The following CNTN5 variants were observed in gnomAD, a reference collection of about 807,000 sequenced individuals.
The protein encoded by CNTN5 is contactin-5.
Under a neutral mutation model 129.1 loss-of-function variants are expected in CNTN5, and 77 were observed. The ratio of observed to expected loss-of-function variants is 0.60; its 90% confidence interval spans 0.50 to 0.72. The LOEUF is 0.72. CNTN5 is among the 30% of genes least tolerant of loss of function. The probability of loss-of-function intolerance (pLI) is 0.00; values close to 1 mark genes in which losing one functional copy is unlikely to be tolerated. For missense variants in CNTN5, 1,478 were observed against 1,328.8 expected (o/e 1.11, Z -1.75); for synonymous variants, 509 against 465.6 (o/e 1.09, Z -1.20).
At chr11:99,808,973 G>T (rs1946351555) in intron 3 of CNTN5, among the ~76,000 whole-genome samples, 1 of 152,070 alleles carries the variant, frequency 6.6e-6, no homozygotes, top group Non-Finnish European at 1.5e-5. Flanking sequence ...AAAATATAAA[G>T]AAGTTTATTT....
chr11:99,815,998 T>G (rs1946574516), intron 3 of CNTN5, among the ~76,000 whole-genome samples: 1 of 152,124 alleles, frequency 6.6e-6, no homozygotes, highest in Non-Finnish European at 1.5e-5. Flanking sequence ...CTTCCTTCAG[T>G]GAGCCTTCAA....
intron 2 of CNTN5, among the ~76,000 whole-genome samples, chr11:99,555,715 G>A (rs1374794209): frequency 6.6e-6 from 1 of 151,830 alleles, no homozygotes; most frequent in Admixed American, 6.6e-5. Flanking sequence ...GGCACAATGT[G>A]TAAAATCACT....
At chr11:99,350,880 G>A (rs574921744) in intron 2 of CNTN5, among the ~76,000 whole-genome samples, 18 of 152,058 alleles carry the variant, frequency 1.2e-4, no homozygotes, top group African/African-American at 4.3e-4. Context: ...GAAAATCCCA[G>A]CAGAAATGGA....
rs182856059 is a variant in CNTN5, at chr11:99,082,090, T to C, written c.-210+60820T>C. ...GTCTCTGTGATGTATTATGGTGGAG[T>C]AGTTAGATGTTTACTCCTACATACA... On this transcript the variant is annotated intron_variant, in intron 1 of 24. Coordinates refer to ENST00000524871, the MANE Select transcript of CNTN5 (RefSeq NM_014361.4). 2.2e-3 allele frequency among the ~76,000 whole-genome samples: 331 copies of C among 151,990 alleles called. 3 individuals carry two copies. Among genetic ancestry groups the C allele is most frequent in the Non-Finnish European group, 4.1e-4 (28 of 67,966 alleles).
intron 1 of CNTN5, among the ~76,000 whole-genome samples, chr11:99,082,373 CGGGGTTT>C (rs1865839060): frequency 6.6e-6 from 1 of 152,004 alleles, no homozygotes; most frequent in Non-Finnish European, 1.5e-5. Context: ...TTAGTAGAGA[CGGGGTTT>C]CACCATGTTG....
At chr11:99,808,374 A>T (rs1167691341) in intron 3 of CNTN5, among the ~76,000 whole-genome samples, 2 of 152,200 alleles carry the variant, frequency 1.3e-5, no homozygotes, top group East Asian at 3.8e-4. Flanking sequence ...ACCACAGCAG[A>T]TGAGTGAATT....
At chr11:99,756,913 GTTTT>G (rs72102158) in intron 3 of CNTN5, among the ~76,000 whole-genome samples, 1 of 143,106 alleles carries the variant, frequency 7.0e-6, no homozygotes, top group African/African-American at 2.6e-5. Flanking sequence ...ACAATAGAGG[GTTTT>G]TTTTTTTTTT....
At chr11:99,409,202 G>A (rs1942273394) in intron 2 of CNTN5, among the ~76,000 whole-genome samples, 1 of 152,148 alleles carries the variant, frequency 6.6e-6, no homozygotes, top group South Asian at 2.1e-4. Context: ...CGATGGCTCA[G>A]GCCCGTAATC....
chr11:100,051,995 A>C (rs2137746854), intron 9 of CNTN5, among the ~76,000 whole-genome samples: 1 of 152,088 alleles, frequency 6.6e-6, no homozygotes, highest in South Asian at 2.1e-4. Flanking sequence ...TTCGTTGATG[A>C]ATTCTATCAA....
intron 4 of CNTN5, among the ~76,000 whole-genome samples, chr11:99,835,231 A>G (rs956223768): frequency 6.6e-6 from 1 of 152,192 alleles, no homozygotes; most frequent in Non-Finnish European, 1.5e-5. Flanking sequence ...GTATGAAGAG[A>G]TTTATTCTTC....
chr11:99,987,267 G>A (rs1054751075), intron 8 of CNTN5, among the ~76,000 whole-genome samples: 1 of 151,784 alleles, frequency 6.6e-6, no homozygotes, highest in African/African-American at 2.4e-5. Context: ...TTCCTGTCCT[G>A]GTTTAGTTTA....
chr11:100,137,908 C>T (rs1008560973), intron 13 of CNTN5, among the ~76,000 whole-genome samples: 1 of 152,034 alleles, frequency 6.6e-6, no homozygotes, highest in Non-Finnish European at 1.5e-5. Context: ...GGAAGACAGC[C>T]AGGGATACCA....
At chr11:100,326,928 C>T (rs922019679) in intron 21 of CNTN5, among the ~76,000 whole-genome samples, 3 of 152,134 alleles carry the variant, frequency 2.0e-5, no homozygotes, top group South Asian at 2.1e-4. Flanking sequence ...TGTGATTGAA[C>T]GTTTGAGGCC....
At chr11:99,574,320 G>T (rs1330826994) in intron 3 of CNTN5, among the ~76,000 whole-genome samples, 1 of 152,092 alleles carries the variant, frequency 6.6e-6, no homozygotes, top group African/African-American at 2.4e-5. Context: ...ATGGGCATTT[G>T]GGTTGATTCC....
At chr11:100,013,582 C>T (rs573693091) in intron 9 of CNTN5, among the ~76,000 whole-genome samples, 5 of 152,314 alleles carry the variant, frequency 3.3e-5, no homozygotes, top group South Asian at 2.1e-4. Context: ...CATGTTATCT[C>T]ACTGGATTAC....
chr11:100,025,345 A>C (rs1164389955), intron 9 of CNTN5, among the ~76,000 whole-genome samples: 6 of 152,202 alleles, frequency 3.9e-5, no homozygotes, highest in African/African-American at 1.4e-4. Flanking sequence ...ATTTATGAAA[A>C]TGCCTAGATG....
intron 1 of CNTN5, among the ~76,000 whole-genome samples, chr11:99,168,433 A>G (rs541804102): frequency 6.6e-6 from 1 of 152,184 alleles, no homozygotes; most frequent in Non-Finnish European, 1.5e-5. Context: ...CAAAAATATT[A>G]GCCAGGTATG....
chr11:100,148,722 A>T (rs1435481261), intron 13 of CNTN5, among the ~76,000 whole-genome samples: 3 of 22,146 alleles, frequency 1.4e-4, no homozygotes, highest in African/African-American at 1.1e-3. Context: ...AGATATATCT[A>T]ACAAACAAAC....
intron 13 of CNTN5, among the ~76,000 whole-genome samples, chr11:100,147,280 G>A (rs951313317): frequency 2.5e-4 from 38 of 152,246 alleles, no homozygotes; most frequent in Non-Finnish European, 5.4e-4. Context: ...ATTCATAGGG[G>A]AAAGGAATGA....
Sources: gnomAD v4.1 joint callset for allele counts (sites outside exome capture counted in the v4.1 genomes callset) on GRCh38, gnomAD v4.1.1 for gene constraint, MANE v1.5 for transcripts, NCBI Gene and HGNC (gene_info 2026-07-23, HGNC 2026-07-21) for gene names.